Variants in RBBP6 observed in about 807,000 individuals in gnomAD.
RBBP6 encodes the protein RB binding protein 6, ubiquitin ligase, also known as E3 ubiquitin-protein ligase RBBP6.
RBBP6 carries 25 observed loss-of-function variants against 167.7 expected under a neutral mutation model. The observed-to-expected ratio is 0.15, with a 90% CI of 0.11 to 0.21. The LOEUF (loss-of-function observed/expected upper bound fraction) is 0.21. RBBP6 is among the 10% of genes least tolerant of loss of function. The probability of loss-of-function intolerance (pLI) is 1.00; values close to 1 mark genes in which losing one functional copy is unlikely to be tolerated. For synonymous variants in RBBP6, 789 were observed against 735.8 expected (o/e 1.07, Z -1.17); for missense variants, 1,868 against 2,134.2 (o/e 0.88, Z 2.46).
At chr16:24,545,619 T>C (rs1365425383) in intron 1 of RBBP6, among the ~76,000 whole-genome samples, 1 of 151,738 alleles carries the variant, frequency 6.6e-6, no homozygotes, top group Non-Finnish European at 1.5e-5. Context: ...TCTCAGTCTT[T>C]AAGTATCCAG....
Position 24,572,557 on chromosome 16 carries a change from A to G in RBBP6, c.*112A>G, listed in dbSNP as rs1283272870. 7.5e-7 allele frequency: 1 copy of G among 1,340,218 alleles called. No homozygotes were observed. Among genetic ancestry groups the G allele is most frequent in the Non-Finnish European group, 9.8e-7 (1 of 1,018,924 alleles). 83.0% of individuals were successfully genotyped at this position (1,340,218 alleles called of 1,614,324 possible). On this transcript the variant is annotated 3_prime_UTR_variant, in exon 18 of 18. Transcript: ENST00000319715. The stretch of plus-strand genomic sequence containing the variant: ...AATGACATGGAAGACCCTGTGCTGC[A>G]CTTAAAATATTGCTGCTTGATTATT...
intron 3 of RBBP6, chr16:24,549,531 C>G (rs1458988366): frequency 7.5e-6 from 2 of 265,626 alleles, no homozygotes; most frequent in Non-Finnish European, 1.2e-5. Flanking sequence ...TCTCCAAGTT[C>G]AAACACATCA....
chr16:24,557,899 G>T (rs1006145416), intron 7 of RBBP6, among the ~76,000 whole-genome samples: 2 of 152,054 alleles, frequency 1.3e-5, no homozygotes, highest in African/African-American at 4.8e-5. Flanking sequence ...TAGTGTTTTC[G>T]TTCACAGATA....
chr16:24,539,578 T>C lies in RBBP6; in HGVS notation c.-1049T>C, dbSNP rs747055108. 1 of 152,064 alleles carries C rather than the reference T, an allele frequency of 6.6e-6. No homozygotes were observed. Among genetic ancestry groups the C allele is most frequent in the Non-Finnish European group, 1.5e-5 (1 of 68,032 alleles). The allele number at this position is 152,064 out of a possible 1,614,324, so 9.4% of individuals were successfully genotyped here. On this transcript the variant is annotated 5_prime_UTR_variant, in exon 1 of 18. Coordinates refer to ENST00000319715, the MANE Select transcript of RBBP6 (RefSeq NM_006910.5). ...CTTAAGAGACCCCGCAGTGGGGCGC[T>C]CGTCCGAAGCCAGGCCGCGTCCGCC...
intron 2 of RBBP6, among the ~76,000 whole-genome samples, chr16:24,546,759 T>C (rs1361343329): frequency 6.6e-6 from 1 of 152,214 alleles, no homozygotes; most frequent in East Asian, 1.9e-4. Context: ...TAGATTTGAC[T>C]CCATTTACTG....
rs781193615 is a variant in RBBP6 at position 24,572,526 on chromosome 16, G to A, written c.*81G>A. ...TATAATGTAAAGAGATTCAAGCCTT[G>A]TAAATAATGACATGGAAGACCCTGT... On this transcript the variant is annotated 3_prime_UTR_variant, in exon 18 of 18. Transcript: ENST00000319715. 7.5e-5 allele frequency: 108 copies of A among 1,437,892 alleles called. No individual in the cohort carries two copies. The highest frequency in any genetic ancestry group is 9.7e-5 in the Non-Finnish European group (106 of 1,098,422). The allele number at this position is 1,437,892 out of a possible 1,614,324, so 89.1% of individuals were successfully genotyped here. A position where few individuals can be genotyped will look rare whatever the true frequency, so the allele number is the denominator to read the frequency against.
chr16:24,572,327 A>G lies in RBBP6; in HGVS notation c.5261A>G (p.Glu1754Gly). 4 of 1,562,152 alleles carry G rather than the reference A, an allele frequency of 2.6e-6. No homozygotes were observed. Among genetic ancestry groups the G allele is most frequent in the Non-Finnish European group, 3.5e-6 (4 of 1,152,490 alleles). The change falls in exon 18 of 18, where the codon GAA (glutamate) becomes GGA (glycine). Residue 1754 changes from glutamate (E) to glycine (G), a missense_variant. By Grantham distance (98) the Glu-to-Gly change is moderately conservative. Transcript: ENST00000319715. Reference sequence around the variant, plus strand: ...AAGCATAAGAAACATGCAGGCACTGAAGTGGAATTGGAAAAAAGCCAAAAA... The same window carrying G: ...AAGCATAAGAAACATGCAGGCACTGGAGTGGAATTGGAAAAAAGCCAAAAA... Reference protein sequence around the residue: ...HKKHKKHAGTEVELEKSQKHK... With the variant: ...HKKHKKHAGTGVELEKSQKHK...
In RBBP6 at chr16:24,569,723, A is replaced by G; in HGVS notation, c.3033A>G (p.Lys1011=). 1.2e-6 allele frequency: 2 copies of G among 1,614,142 alleles called. No homozygotes were observed. Among genetic ancestry groups the G allele is most frequent in the South Asian group, 1.1e-5 (1 of 91,076 alleles). ...VSEKDKRERD[K]PKAKGDKTKR... ...AAAAAGACAAGAGAGAAAGGGATAAACCAAAAGCAAAGGGTGATAAAACCA... is the reference window on the plus strand; with the variant it reads ...AAAAAGACAAGAGAGAAAGGGATAAGCCAAAAGCAAAGGGTGATAAAACCA... The change falls in exon 17 of 18, where the codon AAA becomes AAG. Residue 1011 remains lysine (K), a synonymous_variant. Transcript: ENST00000319715.
Position 24,571,453 on chromosome 16 carries a change from T to A in RBBP6, c.4387T>A (p.Ser1463Thr), listed in dbSNP as rs772070510. ...TAAACATGATTCCACTCGTGCTTCC[T>A]CAAATAAAGACTTCACTCCCAATAG... ...SDKHDSTRAS[S>T]NKDFTPNRDK... is the part of the protein sequence containing the mutation. The change falls in exon 18 of 18, where the codon TCA (serine) becomes ACA (threonine). Residue 1463 changes from serine to threonine, a missense_variant. By Grantham distance (58) the Ser-to-Thr change is moderately conservative. Around this residue, in one of 7 missense-constraint regions of RBBP6, gnomAD observed 591 missense variants for 540.5 expected, o/e 1.09. Transcript: ENST00000319715. The A allele has an allele frequency of 6.2e-7, 1 of 1,612,828 alleles. No individual in the cohort carries two copies. The highest frequency in any genetic ancestry group is 8.5e-7 in the Non-Finnish European group (1 of 1,179,732).
At position 24,569,336 on chromosome 16, in the gene RBBP6, C is replaced by G. The variant is rs772718433; in HGVS notation, c.2646C>G (p.Asp882Glu). Reference sequence around the variant, plus strand: ...CCTTCACAAGAGGCCGCAGAGAAGACTATGTTGGTGGGCAAAGTCATAGAA... The same window carrying G: ...CCTTCACAAGAGGCCGCAGAGAAGAGTATGTTGGTGGGCAAAGTCATAGAA... ...NSPFTRGRREDYVGGQSHRSR... is the reference protein window; with the variant it reads ...NSPFTRGRREEYVGGQSHRSR... Residue 882 changes from aspartate to glutamate, a missense_variant, in exon 17 of 18, where the codon GAC becomes GAG. Physicochemically the swap from Asp to Glu is conservative, Grantham distance 45. Around this residue, in one of 7 missense-constraint regions of RBBP6, gnomAD observed 673 missense variants for 691.5 expected, o/e 0.97. Coordinates refer to ENST00000319715, the MANE Select transcript of RBBP6 (RefSeq NM_006910.5). 3.1e-6 allele frequency: 5 copies of G among 1,613,706 alleles called. No individual in the cohort carries two copies. Among genetic ancestry groups the G allele is most frequent in the Middle Eastern group, 1.6e-4 (1 of 6,082 alleles).
chr16:24,554,807 C>A, intron 4 of RBBP6: 1 of 148,116 alleles, frequency 6.8e-6, no homozygotes, highest in African/African-American at 2.5e-5. Flanking sequence ...ATTTGTAAAA[C>A]AATGTTTGGG....
chr16:24,562,399 A>G (rs1899085515), intron 10 of RBBP6, among the ~76,000 whole-genome samples: 1 of 152,216 alleles, frequency 6.6e-6, no homozygotes, highest in African/African-American at 2.4e-5. Context: ...ACCAGCCCCT[A>G]TTAAACGTTG....
At chr16:24,559,932 A>AAT (rs1188554568) in intron 8 of RBBP6, 1 of 234,952 alleles carries the variant, frequency 4.3e-6, no homozygotes, top group Non-Finnish European at 8.1e-6. Context: ...TGTTTTTCTT[A>AAT]ATATAGACTT....
intron 4 of RBBP6, chr16:24,554,778 G>GT (rs1432690087): frequency 7.3e-6 from 1 of 136,538 alleles, no homozygotes; most frequent in Non-Finnish European, 1.6e-5. Context: ...TTTTTTTTTT[G>GT]TTTTTTTAAA....
chr16:24,556,061 T>G, intron 6 of RBBP6, 144 bp downstream of exon 6: 1 of 881,254 alleles, frequency 1.1e-6, no homozygotes, highest in Non-Finnish European at 1.7e-6. Context: ...TTGCCAGGCT[T>G]CAAATCTTGG....
At chr16:24,566,886 A>T (rs2141476213) in intron 14 of RBBP6, among the ~76,000 whole-genome samples, 1 of 152,348 alleles carries the variant, frequency 6.6e-6, no homozygotes, top group East Asian at 1.9e-4. Context: ...TTCATAAAAG[A>T]GAACTTTTAA....
rs1899221637 is a variant in RBBP6 at position 24,567,416 on chromosome 16, G to A, written c.1863G>A (p.Gln621=). The A allele has an allele frequency of 6.2e-7, 1 of 1,614,170 alleles. No homozygotes were observed. Residue 621 remains glutamine, a synonymous_variant, in exon 15 of 18, where the codon CAG becomes CAA. Transcript: ENST00000319715. ...CACCTTGGGTATCATCAGGAGTGCA[G>A]ACAGCTCATTCAAATACCATCCCAA... ...LSTPWVSSGV[Q]TAHSNTIPTT...
chr16:24,567,285 G>A lies in RBBP6; in HGVS notation c.1732G>A (p.Val578Ile), dbSNP rs1175514360. The A allele has an allele frequency of 2.5e-6, 4 of 1,614,038 alleles. No individual in the cohort carries two copies. In the South Asian group the frequency reaches 4.4e-5, roughly 18 times the overall value. The stretch of plus-strand genomic sequence containing the variant: ...CCATACACTTCCTCTCCCTCCGGGT[G>A]TTCCTCCTCCACAGTTTTCTCCTCA... ...PPHTLPLPPG[V>I]PPPQFSPQFP... The change falls in exon 15 of 18, where the codon GTT (valine) becomes ATT (isoleucine). Residue 578 changes from valine to isoleucine, a missense_variant. Physicochemically the swap from Val to Ile is conservative, Grantham distance 29. Around this residue, in one of 7 missense-constraint regions of RBBP6, gnomAD observed 145 missense variants for 224.3 expected, o/e 0.65. Coordinates refer to ENST00000319715, the MANE Select transcript of RBBP6 (RefSeq NM_006910.5).
At chr16:24,559,469 T>C (rs1194470027) in intron 7 of RBBP6, 36 bp from the exon 8 acceptor site, 3 of 1,538,428 alleles carry the variant, frequency 2.0e-6, no homozygotes, top group Non-Finnish European at 2.7e-6. Flanking sequence ...CTCTGCCTTC[T>C]TAACAATGGT....
Sources: allele counts gnomAD v4.1 joint callset (sites outside exome capture counted in the v4.1 genomes callset), GRCh38; gene constraint gnomAD v4.1.1; regional missense constraint gnomAD v4.1.1; transcripts MANE v1.5; gene names NCBI Gene and HGNC (gene_info 2026-07-23, HGNC 2026-07-21).